Variants in ADAMTSL1 observed in about 807,000 individuals in gnomAD.
ADAMTSL1 encodes the protein ADAMTS like 1, also known as ADAMTS-like protein 1.
A neutral mutation model predicts 201.8 loss-of-function variants in ADAMTSL1; 126 were observed. The observed-to-expected ratio is 0.62, with a 90% CI of 0.54 to 0.72. The LOEUF is 0.72. Ranked by LOEUF, ADAMTSL1 falls within the 30% of genes least tolerant of loss-of-function variation. ADAMTSL1 has a pLI of 0.00. For missense variants in ADAMTSL1, 2,679 were observed against 2,277.8 expected (o/e 1.18, Z -3.59); for synonymous variants, 1,121 against 903.4 (o/e 1.24, Z -4.32).
intron 2 of ADAMTSL1, among the ~76,000 whole-genome samples, chr9:18,186,587 T>C (rs1300663762): frequency 6.6e-6 from 1 of 152,168 alleles, no homozygotes; most frequent in African/African-American, 2.4e-5. Flanking sequence ...ACAGAACTGC[T>C]TAAAAAAATT....
rs1016892715 is a variant in ADAMTSL1 at position 18,123,616 on chromosome 9, A to G, written c.88-40246A>G. Among the ~76,000 whole-genome samples, 6 of 152,200 alleles carry G rather than the reference A, an allele frequency of 3.9e-5. No homozygotes were observed. The East Asian group carries it at 5.8e-4, about 15-fold the overall frequency. The stretch of plus-strand genomic sequence containing the variant: ...AAATAAACAGCTTTACTGATGTATA[A>G]TTTACATATCATAAGATTTCCCTAT... On this transcript the variant is annotated intron_variant, in intron 1 of 29. Transcript: ENST00000680146.
chr9:18,497,751 T>C (rs1045373342), intron 1 of ADAMTSL1, among the ~76,000 whole-genome samples: 2 of 152,232 alleles, frequency 1.3e-5, no homozygotes, highest in African/African-American at 4.8e-5. Context: ...CAATTATTGA[T>C]TTTAATTCAA....
chr9:18,094,078 C>A (rs548052994), intron 1 of ADAMTSL1, among the ~76,000 whole-genome samples: 1 of 152,052 alleles, frequency 6.6e-6, no homozygotes, highest in Admixed American at 6.5e-5. Flanking sequence ...GAGTAATGTA[C>A]CCAGAGTAGA....
intron 15 of ADAMTSL1, among the ~76,000 whole-genome samples, chr9:18,753,092 T>G (rs1328512046): frequency 2.0e-5 from 3 of 152,248 alleles, no homozygotes; most frequent in Non-Finnish European, 4.4e-5. Flanking sequence ...TATTCCATTT[T>G]ATCTCCCTCT....
At chr9:18,090,291 TTATAAATGAA>T (rs1389948083) in intron 1 of ADAMTSL1, among the ~76,000 whole-genome samples, 1 of 152,108 alleles carries the variant, frequency 6.6e-6, no homozygotes, top group African/African-American at 2.4e-5. Context: ...AAATAGATAT[TTATAAATGAA>T]TGTTCATAGC....
chr9:18,825,784 T>A (rs1023654574), intron 21 of ADAMTSL1, among the ~76,000 whole-genome samples: 2 of 152,008 alleles, frequency 1.3e-5, no homozygotes, highest in African/African-American at 4.8e-5. Context: ...TTTTTTTTTT[T>A]ACTTACGGAA....
chr9:18,748,521 A>G (rs749205645), intron 15 of ADAMTSL1, among the ~76,000 whole-genome samples: 7 of 152,226 alleles, frequency 4.6e-5, no homozygotes, highest in East Asian at 1.9e-4. Flanking sequence ...AAGCATGTCA[A>G]TTCAGATCCA....
chr9:18,299,531 C>G (rs1056702703), intron 2 of ADAMTSL1, among the ~76,000 whole-genome samples: 1 of 152,118 alleles, frequency 6.6e-6, no homozygotes, highest in African/African-American at 2.4e-5. Context: ...AGAGAGATCT[C>G]AGGGAGAGAA....
intron 19 of ADAMTSL1, among the ~76,000 whole-genome samples, chr9:18,786,548 AAAT>A (rs1443131065): frequency 6.6e-6 from 1 of 152,242 alleles, no homozygotes; most frequent in African/African-American, 2.4e-5. Context: ...CAAAGAACAG[AAAT>A]AATGTCTGTA....
chr9:18,444,856 T>C (rs1208577932), intron 2 of ADAMTSL1, among the ~76,000 whole-genome samples: 6 of 152,168 alleles, frequency 3.9e-5, no homozygotes, highest in Non-Finnish European at 4.4e-5. Context: ...ACCAAGAGAC[T>C]AATAATATCA....
At chr9:17,938,900 A>G (rs1164276452) in intron 1 of ADAMTSL1, among the ~76,000 whole-genome samples, 2 of 152,160 alleles carry the variant, frequency 1.3e-5, no homozygotes, top group African/African-American at 4.8e-5. Context: ...TAAGCTGGAC[A>G]TAGAGAAAAC....
intron 13 of ADAMTSL1, among the ~76,000 whole-genome samples, chr9:18,696,364 A>AT (rs1831549111): frequency 6.6e-6 from 1 of 152,188 alleles, no homozygotes; most frequent in Non-Finnish European, 1.5e-5. Flanking sequence ...GTAAAAGAAG[A>AT]TTAGTGTGGC....
At chr9:18,830,047 T>G (rs1824878557) in intron 23 of ADAMTSL1, 70 bp downstream of exon 23, 1 of 1,532,742 alleles carries the variant, frequency 6.5e-7, no homozygotes. Flanking sequence ...GGGTGACTGT[T>G]TGCAGGTGGG....
intron 1 of ADAMTSL1, among the ~76,000 whole-genome samples, chr9:18,034,029 T>C (rs1198749506): frequency 6.6e-6 from 1 of 152,232 alleles, no homozygotes; most frequent in Non-Finnish European, 1.5e-5. Flanking sequence ...TCAGCAGCTC[T>C]TACTCTCAGA....
chr9:18,259,884 A>G (rs936383296), intron 2 of ADAMTSL1, among the ~76,000 whole-genome samples: 1 of 152,240 alleles, frequency 6.6e-6, no homozygotes, highest in Non-Finnish European at 1.5e-5. Context: ...AAAGTTCACA[A>G]TTATGGTTGT....
chr9:17,993,936 A>G (rs1819267740), intron 1 of ADAMTSL1, among the ~76,000 whole-genome samples: 1 of 151,986 alleles, frequency 6.6e-6, no homozygotes, highest in Non-Finnish European at 1.5e-5. Flanking sequence ...GGTTTTCTTT[A>G]TCTTTGTCTA....
At chr9:18,303,668 G>A (rs941983934) in intron 2 of ADAMTSL1, among the ~76,000 whole-genome samples, 26 of 152,270 alleles carry the variant, frequency 1.7e-4, no homozygotes, top group South Asian at 8.3e-4. Flanking sequence ...AAGAGAGAGC[G>A]CGGAAAGGCA....
At chr9:18,674,456 C>T (rs1316850765) in intron 9 of ADAMTSL1, among the ~76,000 whole-genome samples, 2 of 151,906 alleles carry the variant, frequency 1.3e-5, no homozygotes, top group Non-Finnish European at 2.9e-5. Context: ...ACTATGCAGG[C>T]CCCTTTATCC....
chr9:18,735,356 C>T lies in ADAMTSL1; in HGVS notation c.2006+13691C>T, dbSNP rs897897404. Among the ~76,000 whole-genome samples the T allele has an allele frequency of 5.3e-5, 8 of 152,196 alleles. No individual in the cohort carries two copies. In the East Asian group the frequency reaches 1.5e-3, roughly 29 times the overall value. The stretch of plus-strand genomic sequence containing the variant: ...CTAGGTGTTATAGAAGTATAAGATA[C>T]TGAATTATTGCTCTCTCCTTATTTC... On this transcript the variant is annotated intron_variant, in intron 15 of 28. Coordinates refer to ENST00000380548, the MANE Select transcript of ADAMTSL1 (RefSeq NM_001040272.6).
Sources: allele counts gnomAD v4.1 joint callset (sites outside exome capture counted in the v4.1 genomes callset), GRCh38; gene constraint gnomAD v4.1.1; transcripts MANE v1.5; gene names NCBI Gene and HGNC (gene_info 2026-07-23, HGNC 2026-07-21).